RAB3C: variants seen among roughly 807,000 people sequenced by gnomAD.
RAB3C encodes RAB3C, member RAS oncogene family.
Under a neutral mutation model 26.4 loss-of-function variants are expected in RAB3C, and 17 were observed. The observed-to-expected ratio is 0.64, with a 90% CI of 0.44 to 0.97. RAB3C has a LOEUF of 0.97. Among genes scored for constraint, RAB3C ranks in the 50% least tolerant of loss-of-function variants. The pLI, the probability that RAB3C is intolerant of heterozygous loss-of-function variation, is 0.00. For missense variants in RAB3C, 242 were observed against 281.9 expected, an observed-to-expected ratio of 0.86 and a Z score of 1.01; for synonymous variants, 91 against 95.9, an observed-to-expected ratio of 0.95 and a Z score of 0.30.
intron 3 of RAB3C, among the ~76,000 whole-genome samples, chr5:58,747,834 A>G (rs1050471412): frequency 2.0e-5 from 3 of 151,958 alleles, no homozygotes; most frequent in African/African-American, 7.2e-5. Context: ...AAATAAGGGG[A>G]AAAATACCTG....
intron 3 of RAB3C, among the ~76,000 whole-genome samples, chr5:58,745,392 C>CAAAAAAAAAAAAA (rs1173604247): frequency 4.5e-4 from 15 of 33,110 alleles, no homozygotes; most frequent in African/African-American, 1.4e-3. Context: ...GACTCTGCTT[C>CAAAAAAAAAAAAA]AAAAAAAAAA....
At chr5:58,833,041 G>A (rs1227860504) in intron 4 of RAB3C, among the ~76,000 whole-genome samples, 2 of 151,718 alleles carry the variant, frequency 1.3e-5, no homozygotes, top group East Asian at 3.9e-4. Context: ...CAGTTATTGG[G>A]TATGTTTTAT....
At chr5:58,824,974 TCTC>T in intron 3 of RAB3C, 61 bp from the exon 4 acceptor site, 2 of 1,152,080 alleles carry the variant, frequency 1.7e-6, no homozygotes, top group South Asian at 1.6e-5. Flanking sequence ...ATGTATTTCT[TCTC>T]CTTCATTTTA....
intron 3 of RAB3C, among the ~76,000 whole-genome samples, chr5:58,783,179 C>T (rs984944981): frequency 1.6e-4 from 24 of 152,212 alleles, no homozygotes; most frequent in Middle Eastern, 6.8e-3. Flanking sequence ...CATAAATATA[C>T]GCTTATAAAG....
chr5:58,788,188 A>G (rs1742437050), intron 3 of RAB3C: 1 of 152,248 alleles, frequency 6.6e-6, no homozygotes, highest in East Asian at 1.9e-4. Flanking sequence ...TGCACACTTA[A>G]TTCAGCTCTC....
At chr5:58,741,529 TC>T (rs1475980468) in intron 3 of RAB3C, 5 of 152,124 alleles carry the variant, frequency 3.3e-5, no homozygotes. Flanking sequence ...CTTGGGAAAC[TC>T]CATGGGTTGA....
chr5:58,694,260 G>T (rs1747680161), intron 2 of RAB3C, among the ~76,000 whole-genome samples: 1 of 152,252 alleles, frequency 6.6e-6, no homozygotes, highest in African/African-American at 2.4e-5. Context: ...CAAAGGACAT[G>T]AACTCATCCT....
intron 2 of RAB3C, among the ~76,000 whole-genome samples, chr5:58,656,821 T>G (rs1379348891): frequency 6.6e-6 from 1 of 152,030 alleles, no homozygotes; most frequent in Non-Finnish European, 1.5e-5. Flanking sequence ...TGGAAAACAG[T>G]GTGGAGATTC....
chr5:58,813,600 A>T (rs1269369989), intron 3 of RAB3C, among the ~76,000 whole-genome samples: 2 of 9,944 alleles, frequency 2.0e-4, no homozygotes, highest in East Asian at 1.3e-3. Context: ...ATTTATATAT[A>T]TATATATATA....
intron 3 of RAB3C, chr5:58,823,008 T>C: frequency 1.6e-6 from 1 of 613,848 alleles, no homozygotes; most frequent in Non-Finnish European, 3.1e-6. Flanking sequence ...AAGGGAGCTG[T>C]TGATAAAGGC....
intron 2 of RAB3C, among the ~76,000 whole-genome samples, chr5:58,691,553 G>T (rs1167267800): frequency 6.6e-6 from 1 of 151,574 alleles, no homozygotes; most frequent in Non-Finnish European, 1.5e-5. Flanking sequence ...AGAAAATGTG[G>T]GTAATTACCA....
chr5:58,582,919 G>C, upstream of RAB3C: 1 of 617,736 alleles, frequency 1.6e-6, no homozygotes, highest in Non-Finnish European at 2.5e-6. Context: ...CCCGACTGGC[G>C]GATCGAGCCT....
rs117334892 is a variant in RAB3C, at chr5:58,802,951, T to C, written c.372-22087T>C. 5.3e-4 allele frequency among the ~76,000 whole-genome samples: 80 copies of C among 152,306 alleles called. No individual in the cohort carries two copies. The East Asian group carries it at 0.014, about 26-fold the overall frequency. On this transcript the variant is annotated intron_variant, in intron 3 of 4. Coordinates refer to ENST00000282878, the MANE Select transcript of RAB3C (RefSeq NM_138453.4). ...CATCATCTGCATGGCGAAAGCTGGCTTGTAGCCTTAGCTACAAGGCTAGGG... is the reference window on the plus strand; with the variant it reads ...CATCATCTGCATGGCGAAAGCTGGCCTGTAGCCTTAGCTACAAGGCTAGGG...
intron 3 of RAB3C, among the ~76,000 whole-genome samples, chr5:58,755,330 T>G (rs1741631626): frequency 6.6e-6 from 1 of 152,242 alleles, no homozygotes; most frequent in Non-Finnish European, 1.5e-5. Context: ...TCATTTCCCT[T>G]TAATCTGGTG....
At chr5:58,626,728 C>T (rs756037716) in intron 2 of RAB3C, among the ~76,000 whole-genome samples, 5 of 152,144 alleles carry the variant, frequency 3.3e-5, no homozygotes, top group African/African-American at 1.2e-4. Context: ...ATAGTAAGTA[C>T]TCAAGAAACA....
intron 3 of RAB3C, among the ~76,000 whole-genome samples, chr5:58,739,605 T>C (rs1056192093): frequency 6.6e-5 from 10 of 152,186 alleles, no homozygotes; most frequent in Non-Finnish European, 1.2e-4. Flanking sequence ...CCAGAGAAGA[T>C]AGGTCATGGT....
At chr5:58,718,290 G>A (rs557699340) in intron 2 of RAB3C, among the ~76,000 whole-genome samples, 3 of 152,048 alleles carry the variant, frequency 2.0e-5, no homozygotes, top group East Asian at 1.9e-4. Context: ...ATATACTTTC[G>A]GCTGTAAATT....
chr5:58,722,723 A>C (rs538827311), intron 2 of RAB3C, among the ~76,000 whole-genome samples: 3 of 151,824 alleles, frequency 2.0e-5, no homozygotes, highest in Non-Finnish European at 4.4e-5. Context: ...CTGCTAACTG[A>C]ATTAAATCCA....
chr5:58,780,355 G>T (rs997392607), intron 3 of RAB3C, among the ~76,000 whole-genome samples: 1 of 152,142 alleles, frequency 6.6e-6, no homozygotes, highest in Non-Finnish European at 1.5e-5. Flanking sequence ...AAAGCATTGT[G>T]CCTCGCAACG....
Sources: allele counts gnomAD v4.1 joint callset (sites outside exome capture counted in the v4.1 genomes callset), GRCh38; gene constraint gnomAD v4.1.1; transcripts MANE v1.5; gene names NCBI Gene and HGNC (gene_info 2026-07-23, HGNC 2026-07-21).